GAREM1: variants seen among roughly 807,000 people sequenced by gnomAD.
GAREM1 encodes GRB2-associated and regulator of MAPK protein 1.
A neutral mutation model predicts 71.3 loss-of-function variants in GAREM1; 26 were observed. That is an observed-to-expected ratio of 0.36 (90% CI 0.27 to 0.51). The LOEUF (loss-of-function observed/expected upper bound fraction) is 0.51. GAREM1 is among the 20% of genes least tolerant of loss of function. GAREM1 has a pLI of 0.95. For synonymous variants in GAREM1, 440 were observed against 433.2 expected, an observed-to-expected ratio of 1.02 and a Z score of -0.20; for missense variants, 1,026 against 1,103.1, an observed-to-expected ratio of 0.93 and a Z score of 0.99.
At chr18:32,440,748 T>C (rs550601979) in intron 1 of GAREM1, among the ~76,000 whole-genome samples, 1 of 152,336 alleles carries the variant, frequency 6.6e-6, no homozygotes, top group African/African-American at 2.4e-5. Flanking sequence ...AGAAATGCTG[T>C]ATCAACAATG....
intron 1 of GAREM1, among the ~76,000 whole-genome samples, chr18:32,416,226 CA>C (rs1568003021): frequency 6.6e-6 from 1 of 151,834 alleles, no homozygotes; most frequent in Admixed American, 6.6e-5. Context: ...GAAGAGGACA[CA>C]AAAAAATAAA....
intron 2 of GAREM1, among the ~76,000 whole-genome samples, chr18:32,333,712 C>T (rs1297797800): frequency 1.3e-5 from 2 of 152,178 alleles, no homozygotes; most frequent in East Asian, 3.8e-4. Context: ...TAGATCTCAT[C>T]CTCTACAACA....
intron 1 of GAREM1, chr18:32,412,683 T>C: frequency 6.6e-7 from 1 of 1,506,894 alleles, no homozygotes; most frequent in Non-Finnish European, 9.1e-7. Flanking sequence ...ATGGTATTTC[T>C]GAATGACAAT....
At chr18:32,404,895 T>A (rs1252366557) in intron 1 of GAREM1, among the ~76,000 whole-genome samples, 2 of 152,218 alleles carry the variant, frequency 1.3e-5, no homozygotes, top group Non-Finnish European at 2.9e-5. Flanking sequence ...GAACTTGATA[T>A]TGTTTTTATC....
intron 2 of GAREM1, among the ~76,000 whole-genome samples, chr18:32,377,021 A>G (rs1399823067): frequency 6.6e-5 from 10 of 152,210 alleles, no homozygotes; most frequent in Non-Finnish European, 1.5e-4. Flanking sequence ...TATCTATGAG[A>G]TAAGTATTAT....
At chr18:32,289,642 T>A (rs1219184633) in intron 3 of GAREM1, among the ~76,000 whole-genome samples, 2 of 152,188 alleles carry the variant, frequency 1.3e-5, no homozygotes, top group East Asian at 1.9e-4. Flanking sequence ...TGCTTCTAGC[T>A]GAGATGATAT....
chr18:32,430,875 A>G (rs1307246990), intron 1 of GAREM1, among the ~76,000 whole-genome samples: 1 of 152,238 alleles, frequency 6.6e-6, no homozygotes, highest in African/African-American at 2.4e-5. Context: ...TGGGGAGTGC[A>G]GGGCAGAGAG....
chr18:32,331,051 T>C (rs1291354872), intron 2 of GAREM1, among the ~76,000 whole-genome samples: 1 of 152,182 alleles, frequency 6.6e-6, no homozygotes, highest in Non-Finnish European at 1.5e-5. Context: ...TTCCTCCTTC[T>C]CTCTGATCAT....
rs189439671 is a variant in GAREM1 at position 32,408,196 on chromosome 18, T to C, written c.122-15161A>G. Among the ~76,000 whole-genome samples, 658 of 152,292 alleles carry C rather than the reference T, an allele frequency of 4.3e-3. 3 individuals are homozygous for C. The highest frequency in any genetic ancestry group is 0.014 in the Middle Eastern group (4 of 294). On this transcript the variant is annotated intron_variant, in intron 1 of 5. Transcript: ENST00000269209. ...CTAATTTCTGATTGTAGAGGCTGTA[T>C]TACTTTTGCTAACTCTAGATTACTT...
chr18:32,277,482 C>T (rs2041558030), intron 4 of GAREM1, among the ~76,000 whole-genome samples: 1 of 152,162 alleles, frequency 6.6e-6, no homozygotes, highest in South Asian at 2.1e-4. Flanking sequence ...ATCATCTTAA[C>T]AGTGAAAGCA....
At chr18:32,330,953 C>T (rs992766337) in intron 2 of GAREM1, among the ~76,000 whole-genome samples, 5 of 152,154 alleles carry the variant, frequency 3.3e-5, no homozygotes, top group African/African-American at 1.2e-4. Context: ...CTTTACAGTT[C>T]CATATAGGCT....
At chr18:32,325,410 T>C (rs2047465191) in intron 2 of GAREM1, among the ~76,000 whole-genome samples, 2 of 152,180 alleles carry the variant, frequency 1.3e-5, no homozygotes, top group South Asian at 2.1e-4. Context: ...TCATCGATTG[T>C]CACAAATATA....
intron 1 of GAREM1, among the ~76,000 whole-genome samples, chr18:32,446,223 AGT>A (rs10587223): frequency 0.098 from 13,965 of 142,600 alleles, 982 homozygotes; most frequent in African/African-American, 0.21. Flanking sequence ...AGTTCCCCAT[AGT>A]GTGTGTGTGT....
At chr18:32,283,222 G>A (rs1050445712) in intron 4 of GAREM1, among the ~76,000 whole-genome samples, 1 of 152,202 alleles carries the variant, frequency 6.6e-6, no homozygotes, top group African/African-American at 2.4e-5. Context: ...ATATTCCAGA[G>A]AGGTTAGTGT....
intron 4 of GAREM1, among the ~76,000 whole-genome samples, chr18:32,282,095 C>T (rs2046958786): frequency 1.3e-5 from 2 of 152,084 alleles, no homozygotes; most frequent in South Asian, 4.1e-4. Context: ...AACGGCCCCA[C>T]CCCTATCTCC....
At chr18:32,394,735 G>A (rs1251626398) in intron 1 of GAREM1, among the ~76,000 whole-genome samples, 1 of 152,200 alleles carries the variant, frequency 6.6e-6, no homozygotes, top group African/African-American at 2.4e-5. Context: ...CTCCAAAGGA[G>A]AAATCATGCA....
Position 32,287,016 on chromosome 18 carries a change from A to G in GAREM1, c.1566+15T>C. On this transcript the variant is annotated intron_variant, in intron 4 of 5. Coordinates refer to ENST00000269209, the MANE Select transcript of GAREM1 (RefSeq NM_001242409.2). The surrounding 1 kb of genome is among the most constrained non-coding windows in gnomAD (Gnocchi z 5.9). Reference sequence around the variant, plus strand: ...AGAAAGACTGGCACCGCATTCAAAAACAGAAATGACTTACGGCTTCAGATT... The same window carrying G: ...AGAAAGACTGGCACCGCATTCAAAAGCAGAAATGACTTACGGCTTCAGATT... 1.3e-6 allele frequency: 2 copies of G among 1,588,752 alleles called. No individual in the cohort carries two copies. Among genetic ancestry groups the G allele is most frequent in the Non-Finnish European group, 1.7e-6 (2 of 1,160,460 alleles).
At position 32,456,359 on chromosome 18, in the gene GAREM1, T is replaced by A. The variant is rs958790132; in HGVS notation, c.121+13949A>T. Among the ~76,000 whole-genome samples the A allele has an allele frequency of 2.0e-5, 3 of 152,088 alleles. No individual in the cohort carries two copies. In the South Asian group the frequency reaches 6.2e-4, roughly 31 times the overall value. On this transcript the variant is annotated intron_variant, in intron 1 of 5. Transcript: ENST00000269209. ...AAAAGAGAGCCCTCAGAATCACTGA[T>A]AGGGAAATGCAAATTAACGCAGCAA...
intron 1 of GAREM1, among the ~76,000 whole-genome samples, chr18:32,465,674 C>A (rs780737050): frequency 1.3e-5 from 2 of 152,186 alleles, no homozygotes; most frequent in Non-Finnish European, 2.9e-5. Flanking sequence ...GACCAGCATT[C>A]TTTAAACTGG....
Sources: gnomAD v4.1 joint callset for allele counts (sites outside exome capture counted in the v4.1 genomes callset) on GRCh38, gnomAD v4.1.1 for gene constraint, Gnocchi (gnomAD v3.1) non-coding constraint, MANE v1.5 for transcripts, NCBI Gene and HGNC (gene_info 2026-07-23, HGNC 2026-07-21) for gene names.